ATG4C: variants seen among roughly 807,000 people sequenced by gnomAD.
ATG4C encodes the protein cysteine protease ATG4C.
ATG4C carries 56 observed loss-of-function variants against 57.6 expected under a neutral mutation model. The observed-to-expected ratio is 0.97, with a 90% confidence interval of 0.78 to 1.21. The LOEUF (loss-of-function observed/expected upper bound fraction) is 1.21. ATG4C is among the 50% of genes most tolerant of loss of function. The pLI, the probability that ATG4C is intolerant of heterozygous loss-of-function variation, is 0.00. For synonymous variants in ATG4C, 157 were observed against 174.1 expected (o/e 0.90, Z 0.78); for missense variants, 595 against 529.8 (o/e 1.12, Z -1.21).
In ATG4C at chr1:62,864,870, G is replaced by C. The variant is rs990912085; in HGVS notation, c.*711G>C. 3 of 151,864 alleles carry C rather than the reference G, an allele frequency of 2.0e-5. No individual in the cohort carries two copies. The highest frequency in any genetic ancestry group is 7.2e-5 in the African/African-American group (3 of 41,428). The allele number at this position is 151,864 out of a possible 1,614,324, so 9.4% of individuals were successfully genotyped here. A position where few individuals can be genotyped will look rare whatever the true frequency, so the allele number is the denominator to read the frequency against. On this transcript the variant is annotated 3_prime_UTR_variant, in exon 11 of 11. Coordinates refer to ENST00000317868, the MANE Select transcript of ATG4C (RefSeq NM_032852.4). ...AGATAAAGGCAACTATAAAATAGTA[G>C]TAGTGTTTGTTTCCTATCTCAAGGG...
chr1:62,785,673 C>G (rs1386252121), intron 1 of ATG4C, among the ~76,000 whole-genome samples: 2 of 152,056 alleles, frequency 1.3e-5, no homozygotes, highest in African/African-American at 4.8e-5. Flanking sequence ...CCAATTATTG[C>G]ACTAAAGAGG....
At chr1:62,857,351 C>T (rs1322619522) in intron 10 of ATG4C, among the ~76,000 whole-genome samples, 1 of 152,250 alleles carries the variant, frequency 6.6e-6, no homozygotes, top group Non-Finnish European at 1.5e-5. Flanking sequence ...ATCTAGGTTG[C>T]ATGCTCCTTA....
At position 62,829,244 on chromosome 1, in the gene ATG4C, AT is replaced by A. The variant is rs1557979899; in HGVS notation, c.933+75del. ...ATATGAAAAATATAGAAGGTTTGCA[AT>A]TTTTTTCTGTTAAATGAGTAGTGAT... On this transcript the variant is annotated intron_variant, in intron 7 of 10. Coordinates refer to ENST00000317868, the MANE Select transcript of ATG4C (RefSeq NM_032852.4). 5 of 1,551,808 alleles carry A rather than the reference AT, an allele frequency of 3.2e-6. No individual in the cohort carries two copies. In the Admixed American group the frequency reaches 5.6e-5, roughly 17 times the overall value.
intron 10 of ATG4C, among the ~76,000 whole-genome samples, chr1:62,849,358 G>A (rs74078344): frequency 0.023 from 3,425 of 152,058 alleles, 134 homozygotes; most frequent in African/African-American, 0.078. Flanking sequence ...GTTAACAGTT[G>A]TTTTCTTTCA....
At chr1:62,801,273 T>A (rs1386661414) in intron 1 of ATG4C, among the ~76,000 whole-genome samples, 1 of 152,230 alleles carries the variant, frequency 6.6e-6, no homozygotes, top group Admixed American at 6.5e-5. Flanking sequence ...CATTCTCGTT[T>A]ATGCGTCAGC....
intron 1 of ATG4C, among the ~76,000 whole-genome samples, chr1:62,787,327 G>C (rs1302572965): frequency 6.6e-6 from 1 of 152,056 alleles, no homozygotes; most frequent in African/African-American, 2.4e-5. Context: ...TCTCTGTTTT[G>C]AATCTATCTG....
At position 62,834,099 on chromosome 1, in the gene ATG4C, A is replaced by T. The variant is rs1023830177; in HGVS notation, c.995A>T (p.Tyr332Phe). The T allele has an allele frequency of 6.2e-7, 1 of 1,612,808 alleles. No homozygotes were observed. The highest frequency in any genetic ancestry group is 8.5e-7 in the Non-Finnish European group (1 of 1,179,252). ...IIGGKPKQSYYFAGFQDDSLI... is the reference protein window; with the variant it reads ...IIGGKPKQSYFFAGFQDDSLI... ...GGTGGCAAACCTAAACAGTCATATT[A>T]CTTTGCTGGATTTCAAGGTTAGTGA... Residue 332 changes from tyrosine (Y) to phenylalanine (F), a missense_variant, in exon 8 of 11, where the codon TAC (tyrosine) becomes TTC (phenylalanine). Transcript: ENST00000317868.
intron 10 of ATG4C, among the ~76,000 whole-genome samples, chr1:62,847,350 CAAG>C (rs796191220): frequency 5.3e-5 from 8 of 152,230 alleles, no homozygotes; most frequent in African/African-American, 1.9e-4. Flanking sequence ...CAGTGGTAAA[CAAG>C]ATAGTTGTGA....
At chr1:62,858,048 T>C (rs538886972) in intron 10 of ATG4C, among the ~76,000 whole-genome samples, 1 of 152,360 alleles carries the variant, frequency 6.6e-6, no homozygotes, top group East Asian at 1.9e-4. Context: ...TCAACAGTCC[T>C]ATTTGATTCA....
intron 5 of ATG4C, 103 bp from the exon 6 acceptor site, chr1:62,821,036 G>A: frequency 1.3e-6 from 1 of 795,058 alleles, no homozygotes; most frequent in South Asian, 2.1e-5. Context: ...AGTTAAATAG[G>A]AAAGTCACAA....
At chr1:62,859,239 G>A (rs1001299736) in intron 10 of ATG4C, among the ~76,000 whole-genome samples, 6 of 152,130 alleles carry the variant, frequency 3.9e-5, no homozygotes, top group Non-Finnish European at 8.8e-5. Context: ...TGCTGAACCA[G>A]TAAGTATATA....
At chr1:62,812,781 T>A (rs901357870) in intron 3 of ATG4C, among the ~76,000 whole-genome samples, 1 of 152,192 alleles carries the variant, frequency 6.6e-6, no homozygotes, top group Non-Finnish European at 1.5e-5. Context: ...AGTCTCAGAA[T>A]ACAAAATCAA....
At chr1:62,811,069 T>A (rs140078395) in intron 3 of ATG4C, among the ~76,000 whole-genome samples, 218 of 152,312 alleles carry the variant, frequency 1.4e-3, no homozygotes, top group Middle Eastern at 3.4e-3. Context: ...TTCATTTGTT[T>A]CAGTTCCCTT....
intron 1 of ATG4C, among the ~76,000 whole-genome samples, chr1:62,802,288 C>T (rs1230780189): frequency 1.3e-5 from 2 of 152,062 alleles, no homozygotes; most frequent in Non-Finnish European, 2.9e-5. Flanking sequence ...ATCTCCTAGT[C>T]CTGTATAATA....
intron 7 of ATG4C, among the ~76,000 whole-genome samples, chr1:62,831,861 CAA>C (rs1398435342): frequency 6.6e-6 from 1 of 152,192 alleles, no homozygotes; most frequent in Non-Finnish European, 1.5e-5. Flanking sequence ...TGTCAAGAAC[CAA>C]AGTCTTTCTT....
intron 1 of ATG4C, among the ~76,000 whole-genome samples, chr1:62,789,818 A>G (rs1192997746): frequency 1.3e-5 from 2 of 152,014 alleles, no homozygotes; most frequent in Non-Finnish European, 2.9e-5. Context: ...CTCCGTCTCA[A>G]AAAAAAAGAA....
chr1:62,843,610 T>C (rs1021201134), intron 10 of ATG4C, among the ~76,000 whole-genome samples: 1 of 152,200 alleles, frequency 6.6e-6, no homozygotes, highest in Non-Finnish European at 1.5e-5. Flanking sequence ...TAGAGTCTCA[T>C]GTTTAATTCG....
intron 7 of ATG4C, among the ~76,000 whole-genome samples, chr1:62,831,810 A>G (rs1665850759): frequency 6.6e-6 from 1 of 152,244 alleles, no homozygotes; most frequent in Admixed American, 6.5e-5. Context: ...CTAAGCGTTT[A>G]TTACTAAACT....
intron 9 of ATG4C, among the ~76,000 whole-genome samples, chr1:62,836,739 T>C (rs965319444): frequency 6.6e-6 from 1 of 152,058 alleles, no homozygotes; most frequent in African/African-American, 2.4e-5. Context: ...TTAAAATCAT[T>C]TTTATAGGGA....
Sources: allele counts gnomAD v4.1 joint callset (sites outside exome capture counted in the v4.1 genomes callset), GRCh38; gene constraint gnomAD v4.1.1; transcripts MANE v1.5; gene names NCBI Gene and HGNC (gene_info 2026-07-23, HGNC 2026-07-21).